The following PTPRM variants were observed in gnomAD, a reference collection of about 807,000 sequenced individuals.
PTPRM encodes protein tyrosine phosphatase receptor type M.
Under a neutral mutation model 186.7 loss-of-function variants are expected in PTPRM, and 47 were observed. The observed-to-expected ratio is 0.25, with a 90% CI of 0.20 to 0.32. The LOEUF is 0.32. Among genes scored for constraint, PTPRM ranks in the 10% least tolerant of loss-of-function variants. The pLI is 1.00. For synonymous variants in PTPRM, 668 were observed against 674.9 expected, an observed-to-expected ratio of 0.99 and a Z score of 0.16; for missense variants, 1,494 against 1,865.0, an observed-to-expected ratio of 0.80 and a Z score of 3.66.
intron 22 of PTPRM, 97 bp downstream of exon 22, chr18:8,319,311 A>T: frequency 1.2e-6 from 1 of 853,416 alleles, no homozygotes; most frequent in South Asian, 1.6e-5. Context: ...GATATTGCAC[A>T]TTTATTGCGG....
intron 31 of PTPRM, among the ~76,000 whole-genome samples, chr18:8,389,686 A>G (rs560085192): frequency 8.5e-5 from 13 of 152,346 alleles, no homozygotes; most frequent in African/African-American, 2.6e-4. Context: ...TTACATTTAT[A>G]TATCTAAATC....
At position 8,376,220 on chromosome 18, in the gene PTPRM, C is replaced by T; in HGVS notation, c.3326+20C>T. 3.7e-6 allele frequency: 6 copies of T among 1,604,214 alleles called. No individual in the cohort carries two copies. The highest frequency in any genetic ancestry group is 1.1e-5 in the South Asian group (1 of 90,946). On this transcript the variant is annotated intron_variant, in intron 25 of 32. Transcript: ENST00000580170. The stretch of plus-strand genomic sequence containing the variant: ...CTGCAGGTAAGCAGAGCTCCAGAGC[C>T]TCTTGAAGGAAACGCAGTGGGTGAT...
intron 10 of PTPRM, 35 bp downstream of exon 10, chr18:8,085,907 A>C: frequency 6.3e-7 from 1 of 1,587,238 alleles, no homozygotes; most frequent in Non-Finnish European, 8.6e-7. Context: ...CTTTTATCAG[A>C]AGTAACATTT....
intron 14 of PTPRM, among the ~76,000 whole-genome samples, chr18:8,190,966 T>G (rs974016258): frequency 6.6e-6 from 1 of 152,212 alleles, no homozygotes; most frequent in Non-Finnish European, 1.5e-5. Flanking sequence ...TAGGAAAGAT[T>G]AATTAATATC....
At chr18:7,643,162 T>A (rs1416702770) in intron 1 of PTPRM, among the ~76,000 whole-genome samples, 1 of 152,100 alleles carries the variant, frequency 6.6e-6, no homozygotes, top group Non-Finnish European at 1.5e-5. Context: ...AAAACACATG[T>A]CCTCCCATGG....
At chr18:8,138,717 T>G (rs1313090173) in intron 13 of PTPRM, among the ~76,000 whole-genome samples, 1 of 152,140 alleles carries the variant, frequency 6.6e-6, no homozygotes, top group African/African-American at 2.4e-5. Context: ...TGCGCGCTGG[T>G]CTCACCTCCC....
At chr18:8,032,470 T>A (rs1302540046) in intron 7 of PTPRM, among the ~76,000 whole-genome samples, 2 of 152,122 alleles carry the variant, frequency 1.3e-5, no homozygotes, top group African/African-American at 2.4e-5. Flanking sequence ...ATACCTAGGA[T>A]AAAATCTAAC....
At chr18:7,994,293 CACA>C (rs2083419830) in intron 7 of PTPRM, among the ~76,000 whole-genome samples, 1 of 148,812 alleles carries the variant, frequency 6.7e-6, no homozygotes, top group East Asian at 2.0e-4. Context: ...CACACACACA[CACA>C]CCTAACACTG....
At chr18:7,715,487 A>G (rs143688984) in intron 1 of PTPRM, among the ~76,000 whole-genome samples, 9,957 of 152,144 alleles carry the variant, frequency 0.065, 864 homozygotes, top group African/African-American at 0.19. Flanking sequence ...ATTCAACATA[A>G]TATTGGAAGT....
At chr18:7,686,227 A>T (rs371548864) in intron 1 of PTPRM, among the ~76,000 whole-genome samples, 1 of 152,110 alleles carries the variant, frequency 6.6e-6, no homozygotes, top group African/African-American at 2.4e-5. Context: ...CATCAAAATG[A>T]CTCGGGATGC....
intron 15 of PTPRM, 92 bp from the exon 16 acceptor site, chr18:8,247,753 G>A: frequency 1.1e-6 from 1 of 871,722 alleles, no homozygotes; most frequent in South Asian, 1.4e-5. Context: ...ACCGTGGGTA[G>A]CATGGAGTCA....
chr18:7,708,270 G>A (rs2040138556), intron 1 of PTPRM, among the ~76,000 whole-genome samples: 3 of 152,052 alleles, frequency 2.0e-5, no homozygotes, highest in Admixed American at 2.0e-4. Flanking sequence ...TCAACCCAGT[G>A]GATGGTTCAT....
intron 14 of PTPRM, among the ~76,000 whole-genome samples, chr18:8,236,646 A>G (rs796462481): frequency 6.6e-6 from 1 of 152,142 alleles, no homozygotes; most frequent in African/African-American, 2.4e-5. Flanking sequence ...AGTTCAAGCA[A>G]TCCTCCCAGC....
chr18:7,629,281 G>A (rs769920678), intron 1 of PTPRM, among the ~76,000 whole-genome samples: 40 of 152,300 alleles, frequency 2.6e-4, no homozygotes, highest in Admixed American at 5.9e-4. Context: ...ATTAAATGCC[G>A]AGATTAGAGA....
intron 14 of PTPRM, among the ~76,000 whole-genome samples, chr18:8,228,207 A>G (rs2094239226): frequency 6.6e-6 from 1 of 152,132 alleles, no homozygotes; most frequent in Non-Finnish European, 1.5e-5. Flanking sequence ...CTGTGTGTTC[A>G]GAGGAGCCCA....
chr18:8,015,948 A>T (rs1473887243), intron 7 of PTPRM, among the ~76,000 whole-genome samples: 4 of 152,164 alleles, frequency 2.6e-5, no homozygotes, highest in Non-Finnish European at 5.9e-5. Flanking sequence ...TCGAAATATC[A>T]ATTAACAAAA....
intron 1 of PTPRM, among the ~76,000 whole-genome samples, chr18:7,722,432 T>G (rs1355156844): frequency 1.3e-5 from 2 of 152,048 alleles, no homozygotes. Flanking sequence ...CTGTACACCG[T>G]ACACCATCAT....
intron 15 of PTPRM, among the ~76,000 whole-genome samples, chr18:8,244,538 C>G (rs2094460246): frequency 6.6e-6 from 1 of 152,204 alleles, no homozygotes; most frequent in South Asian, 2.1e-4. Flanking sequence ...CATTTGTAAA[C>G]TATCCAGGTG....
chr18:8,249,426 C>T (rs1382781803), intron 17 of PTPRM, among the ~76,000 whole-genome samples: 2 of 152,082 alleles, frequency 1.3e-5, no homozygotes, highest in African/African-American at 4.8e-5. Flanking sequence ...CTTTTAATAC[C>T]AATTAAAAGG....
Sources: allele counts gnomAD v4.1 joint callset (sites outside exome capture counted in the v4.1 genomes callset), GRCh38; gene constraint gnomAD v4.1.1; transcripts MANE v1.5; gene names NCBI Gene and HGNC (gene_info 2026-07-23, HGNC 2026-07-21).